The following ZNF536 variants were observed in gnomAD, a reference collection of about 807,000 sequenced individuals.
ZNF536 encodes zinc finger protein 536.
In ZNF536, 13 loss-of-function variants were observed where a neutral mutation model predicts 84.5. The ratio of observed to expected loss-of-function variants is 0.15; its 90% CI spans 0.10 to 0.24. The LOEUF (loss-of-function observed/expected upper bound fraction) is 0.24. Ranked by LOEUF, ZNF536 falls within the 10% of genes least tolerant of loss-of-function variation. ZNF536 has a pLI of 1.00. For missense variants in ZNF536, 1,536 were observed against 1,747.5 expected (o/e 0.88, Z 2.16); for synonymous variants, 811 against 742.5 (o/e 1.09, Z -1.50).
At chr19:30,671,950 A>T (rs2050572408) in intron 1 of ZNF536, among the ~76,000 whole-genome samples, 1 of 152,134 alleles carries the variant, frequency 6.6e-6, no homozygotes, top group African/African-American at 2.4e-5. Context: ...TCATCTACCC[A>T]GGAGTTCTTT....
chr19:30,624,607 A>T (rs2048607615), intron 1 of ZNF536, among the ~76,000 whole-genome samples: 1 of 152,210 alleles, frequency 6.6e-6, no homozygotes, highest in Admixed American at 6.5e-5. Flanking sequence ...AGGCTTGTTC[A>T]GTTTTAAATA....
At chr19:30,591,868 A>G (rs1483376616) in intron 1 of ZNF536, among the ~76,000 whole-genome samples, 1 of 152,224 alleles carries the variant, frequency 6.6e-6, no homozygotes, top group African/African-American at 2.4e-5. Flanking sequence ...AAACTTTCTC[A>G]GTGCAGTTTG....
At chr19:30,408,131 C>T (rs1411431948) in intron 1 of ZNF536, among the ~76,000 whole-genome samples, 1 of 152,120 alleles carries the variant, frequency 6.6e-6, no homozygotes, top group African/African-American at 2.4e-5. Flanking sequence ...TGAGTGGATG[C>T]ATGTACCTGT....
At chr19:30,482,286 G>A (rs538923791) in intron 2 of ZNF536, among the ~76,000 whole-genome samples, 29 of 152,262 alleles carry the variant, frequency 1.9e-4, no homozygotes, top group South Asian at 1.2e-3. Context: ...ACTAGTTCTC[G>A]TAACAGGTAA....
At chr19:30,431,165 A>G (rs1033847667) in intron 1 of ZNF536, among the ~76,000 whole-genome samples, 1 of 152,128 alleles carries the variant, frequency 6.6e-6, no homozygotes, top group East Asian at 1.9e-4. Flanking sequence ...CCCTGGTTCC[A>G]TGAGATGGGC....
intron 1 of ZNF536, among the ~76,000 whole-genome samples, chr19:30,420,921 G>A (rs1185932457): frequency 6.6e-6 from 1 of 152,212 alleles, no homozygotes; most frequent in East Asian, 1.9e-4. Context: ...TGCCTGAGAC[G>A]AATGCTTGGT....
chr19:30,225,863 T>G (rs922752591), upstream of ZNF536, among the ~76,000 whole-genome samples: 19 of 140,004 alleles, frequency 1.4e-4, no homozygotes, highest in Admixed American at 1.2e-3. Context: ...CGGTTCCTTC[T>G]CGCCCCATCG....
intron 2 of ZNF536, among the ~76,000 whole-genome samples, chr19:30,335,281 CT>C (rs759101981): frequency 2.0e-5 from 3 of 152,180 alleles, no homozygotes; most frequent in Non-Finnish European, 4.4e-5. Flanking sequence ...TTCCTCACCT[CT>C]GTAATAGGGC....
intron 2 of ZNF536, among the ~76,000 whole-genome samples, chr19:30,467,185 G>C (rs1036426496): frequency 1.4e-4 from 21 of 152,088 alleles, no homozygotes; most frequent in African/African-American, 4.8e-4. Flanking sequence ...ACATGCACAT[G>C]GTTATGTTAT....
At chr19:30,581,982 A>T (rs1728907805) in intron 1 of ZNF536, among the ~76,000 whole-genome samples, 1 of 152,148 alleles carries the variant, frequency 6.6e-6, no homozygotes, top group Admixed American at 6.5e-5. Flanking sequence ...AGAAGGAGTT[A>T]TGTCCAAGAG....
chr19:30,527,834 C>A (rs967206922), intron 2 of ZNF536, among the ~76,000 whole-genome samples: 1 of 152,202 alleles, frequency 6.6e-6, no homozygotes, highest in Middle Eastern at 3.4e-3. Flanking sequence ...CCCAAGGTGT[C>A]GGTATTATCT....
chr19:30,622,665 T>G (rs1237112243), intron 1 of ZNF536, among the ~76,000 whole-genome samples: 1 of 152,238 alleles, frequency 6.6e-6, no homozygotes, highest in Non-Finnish European at 1.5e-5. Flanking sequence ...ATATATGTTG[T>G]TTTACCCTCA....
intron 1 of ZNF536, among the ~76,000 whole-genome samples, chr19:30,585,656 G>T (rs1180278473): frequency 6.6e-6 from 1 of 152,158 alleles, no homozygotes; most frequent in East Asian, 1.9e-4. Flanking sequence ...GCCAGCCCCA[G>T]CCAACCATAA....
chr19:30,510,361 C>T (rs1216409079), intron 2 of ZNF536, among the ~76,000 whole-genome samples: 2 of 152,164 alleles, frequency 1.3e-5, no homozygotes, highest in Non-Finnish European at 2.9e-5. Flanking sequence ...CAGACAGGTA[C>T]CCAGGTGATG....
chr19:30,567,789 G>A (rs1050542525), intron 1 of ZNF536, among the ~76,000 whole-genome samples: 42 of 152,126 alleles, frequency 2.8e-4, no homozygotes, highest in African/African-American at 9.7e-4. Context: ...TGTCTTTTAA[G>A]GTCCCACAGA....
At chr19:30,529,368 A>G (rs2044715243) in intron 2 of ZNF536, among the ~76,000 whole-genome samples, 1 of 152,132 alleles carries the variant, frequency 6.6e-6, no homozygotes. Flanking sequence ...TTTTCTAAGT[A>G]TCGGGGCTTT....
chr19:30,695,662 C>T (rs985218705), intron 1 of ZNF536, among the ~76,000 whole-genome samples: 1 of 152,052 alleles, frequency 6.6e-6, no homozygotes, highest in Non-Finnish European at 1.5e-5. Context: ...AAATAGGGAG[C>T]CATGGATGGC....
intron 2 of ZNF536, among the ~76,000 whole-genome samples, chr19:30,483,518 C>T (rs1423105599): frequency 7.4e-6 from 1 of 135,010 alleles, no homozygotes; most frequent in Admixed American, 7.8e-5. Context: ...ACCAGAACAC[C>T]CAGGGCATGG....
chr19:30,712,284 G>T (rs2052476130), exon 2 of ZNF536: 1 of 152,010 alleles, frequency 6.6e-6, no homozygotes, highest in Non-Finnish European at 1.5e-5. Context: ...ACTAGTTAAA[G>T]GTTTATTCTT....
Sources: allele counts gnomAD v4.1 joint callset (sites outside exome capture counted in the v4.1 genomes callset), GRCh38; gene constraint gnomAD v4.1.1; transcripts MANE v1.5; gene names NCBI Gene and HGNC (gene_info 2026-07-23, HGNC 2026-07-21).